Variants in MID1 observed in about 807,000 individuals in gnomAD.
MID1 encodes midline 1, also known as E3 ubiquitin-protein ligase Midline-1.
A neutral mutation model predicts 40.4 loss-of-function variants in MID1; 7 were observed. The observed-to-expected ratio is 0.17, with a 90% confidence interval of 0.10 to 0.33. MID1 has a LOEUF of 0.33. Among genes scored for constraint, MID1 ranks in the 10% least tolerant of loss-of-function variants. MID1 has a pLI of 1.00. For missense variants in MID1, 367 were observed against 558.5 expected, an observed-to-expected ratio of 0.66 and a Z score of 3.46; for synonymous variants, 229 against 221.2, an observed-to-expected ratio of 1.04 and a Z score of -0.31.
At chrX:10,558,292 T>C (rs1214109204) in intron 2 of MID1, among the ~76,000 whole-genome samples, 1 of 110,873 alleles carries the variant, frequency 9.0e-6, no homozygotes, top group Non-Finnish European at 1.9e-5. Context: ...GTCTCACTCC[T>C]GCAGAGCACC....
chrX:10,673,949 T>C (rs1350592131), intron 1 of MID1, among the ~76,000 whole-genome samples: 1 of 111,891 alleles, frequency 8.9e-6, no homozygotes, highest in African/African-American at 3.3e-5. Context: ...CCCATGATTC[T>C]TTTTTCTTAC....
intron 1 of MID1, among the ~76,000 whole-genome samples, chrX:10,599,593 A>C (rs1935478124): frequency 8.9e-6 from 1 of 112,290 alleles, no homozygotes; most frequent in Non-Finnish European, 1.9e-5. Flanking sequence ...TCACCTCTGC[A>C]TGTTTTTAAA....
At chrX:10,519,639 T>A (rs1180888142) in intron 3 of MID1, among the ~76,000 whole-genome samples, 1 of 112,069 alleles carries the variant, frequency 8.9e-6, no homozygotes, top group Non-Finnish European at 1.9e-5. Context: ...CTCTCACCTA[T>A]GTTTTACTCT....
intron 3 of MID1, chrX:10,505,739 A>T (rs1468251319): frequency 1.1e-5 from 8 of 752,013 alleles, no homozygotes; most frequent in Non-Finnish European, 1.3e-5. Flanking sequence ...TTTCTAATGG[A>T]AAGAGGAAAC....
At chrX:10,643,982 A>T (rs1327585128) in intron 1 of MID1, among the ~76,000 whole-genome samples, 1 of 109,976 alleles carries the variant, frequency 9.1e-6, no homozygotes, top group Non-Finnish European at 1.9e-5. Flanking sequence ...AGGGTGGGGA[A>T]CATCACACAC....
intron 1 of MID1, among the ~76,000 whole-genome samples, chrX:10,746,771 G>T (rs2043560421): frequency 9.1e-6 from 1 of 109,375 alleles, no homozygotes; most frequent in East Asian, 2.8e-4. Context: ...GGATCTCACA[G>T]TCCACTTTAC....
intron 1 of MID1, among the ~76,000 whole-genome samples, chrX:10,804,435 G>C (rs994400563): frequency 1.5e-4 from 17 of 111,795 alleles, no homozygotes; most frequent in African/African-American, 5.5e-4. Context: ...GATCTGGCTA[G>C]GGGTTATGCA....
chrX:10,669,225 CAAAATAAAA>C (rs2042972112), intron 1 of MID1, among the ~76,000 whole-genome samples: 1 of 33,931 alleles, frequency 2.9e-5, no homozygotes, highest in African/African-American at 1.5e-4. Context: ...GACTCCGTCT[CAAAATAAAA>C]AAAAAAAAAA....
At chrX:10,484,077 A>G (rs759655843) in intron 4 of MID1, among the ~76,000 whole-genome samples, 43 of 112,490 alleles carry the variant, frequency 3.8e-4, no homozygotes, top group Non-Finnish European at 7.7e-4. Context: ...TTTACACCAA[A>G]TAGAATTTAG....
At chrX:10,453,467 C>T (rs932593908) in intron 9 of MID1, among the ~76,000 whole-genome samples, 9 of 112,109 alleles carry the variant, frequency 8.0e-5, no homozygotes, top group Non-Finnish European at 1.1e-4. Context: ...TCACTCATTA[C>T]GTACACTGTC....
intron 2 of MID1, among the ~76,000 whole-genome samples, chrX:10,527,765 G>A (rs1178659888): frequency 3.6e-5 from 4 of 111,684 alleles, no homozygotes; most frequent in Non-Finnish European, 7.5e-5. Flanking sequence ...GAACCACTCT[G>A]AGCCTCTGTC....
At chrX:10,505,537 C>T (rs914495206) in intron 3 of MID1, 5 of 751,833 alleles carry the variant, frequency 6.7e-6, no homozygotes, top group Non-Finnish European at 7.8e-6. Context: ...ACTTAACCTG[C>T]CATGGGTGTT....
chrX:10,754,397 C>T (rs961581974), intron 1 of MID1, among the ~76,000 whole-genome samples: 3 of 109,648 alleles, frequency 2.7e-5, no homozygotes, highest in Admixed American at 9.7e-5. Flanking sequence ...TACCTTCAGA[C>T]GTTGTGGGTT....
intron 2 of MID1, among the ~76,000 whole-genome samples, chrX:10,534,178 G>T (rs937800373): frequency 9.0e-6 from 1 of 111,155 alleles, no homozygotes; most frequent in African/African-American, 3.3e-5. Context: ...GAATAATTTT[G>T]ATCTTATCCC....
At chrX:10,671,017 G>T (rs2042984219) in intron 1 of MID1, among the ~76,000 whole-genome samples, 1 of 111,530 alleles carries the variant, frequency 9.0e-6, no homozygotes, top group African/African-American at 3.3e-5. Context: ...CTCCAATTTT[G>T]CCCTGATGTC....
intron 1 of MID1, among the ~76,000 whole-genome samples, chrX:10,656,188 C>T (rs991789226): frequency 5.4e-5 from 6 of 111,790 alleles, no homozygotes; most frequent in Non-Finnish European, 1.1e-4. Flanking sequence ...TGACTTGGTG[C>T]CCTGTTCATT....
chrX:10,587,963 T>TA (rs1192223832), intron 1 of MID1, among the ~76,000 whole-genome samples: 2 of 111,869 alleles, frequency 1.8e-5, no homozygotes, highest in Non-Finnish European at 3.8e-5. Flanking sequence ...AGCAAGATTT[T>TA]ATATACTCTT....
intron 1 of MID1, among the ~76,000 whole-genome samples, chrX:10,667,729 G>T (rs917005177): frequency 9.9e-5 from 11 of 111,223 alleles, no homozygotes; most frequent in Non-Finnish European, 1.9e-4. Context: ...AAAGCTCAAA[G>T]ACTGATTGTT....
chrX:10,610,968 G>A (rs1054104043), intron 1 of MID1, among the ~76,000 whole-genome samples: 4 of 112,223 alleles, frequency 3.6e-5, no homozygotes, highest in Admixed American at 9.5e-5. Context: ...ATGCTCTGAA[G>A]AGGACACTCC....
Sources: allele counts gnomAD v4.1 joint callset (sites outside exome capture counted in the v4.1 genomes callset), GRCh38; gene constraint gnomAD v4.1.1; transcripts MANE v1.5; gene names NCBI Gene and HGNC (gene_info 2026-07-23, HGNC 2026-07-21).